Variants in AKR1C3 observed in about 807,000 individuals in gnomAD.
AKR1C3 encodes 3-alpha hydroxysteroid dehydrogenase, type II.
Under a neutral mutation model 43.6 loss-of-function variants are expected in AKR1C3, and 48 were observed. The ratio of observed to expected loss-of-function variants is 1.10; its 90% confidence interval spans 0.87 to 1.40. The LOEUF (loss-of-function observed/expected upper bound fraction) is 1.40. Among genes scored for constraint, AKR1C3 ranks in the 40% most tolerant of loss-of-function variants. The pLI is 0.00. For synonymous variants in AKR1C3, 162 were observed against 139.6 expected (o/e 1.16, Z -1.13); for missense variants, 482 against 391.2 (o/e 1.23, Z -1.96).
intron 5 of AKR1C3, among the ~76,000 whole-genome samples, chr10:5,100,158 G>A (rs782499586): frequency 2.0e-5 from 3 of 152,160 alleles, no homozygotes; most frequent in Admixed American, 6.5e-5. Context: ...GCTGAGTTTG[G>A]TGGCACACGC....
intron 1 of AKR1C3, among the ~76,000 whole-genome samples, chr10:5,088,223 T>G (rs1435525044): frequency 6.6e-6 from 1 of 152,204 alleles, no homozygotes; most frequent in African/African-American, 2.4e-5. Context: ...TATTGAGACT[T>G]GCTTTATAAC....
At chr10:5,086,960 C>T (rs1464065775) in intron 1 of AKR1C3, among the ~76,000 whole-genome samples, 1 of 152,130 alleles carries the variant, frequency 6.6e-6, no homozygotes, top group African/African-American at 2.4e-5. Flanking sequence ...TATTTTGAGC[C>T]TATGTGTGTC....
chr10:5,097,479 G>GA lies in AKR1C3; in HGVS notation c.302dup (p.Asn101LysfsTer12), dbSNP rs781855690. ...ACCAGAGTTGGTCCGACCAGCCTTG[G>GA]AAAACTCACTGAAGAAAGCTCAATT... On this transcript the variant is annotated frameshift_variant, in exon 3 of 9. Transcript: ENST00000380554. LOFTEE classifies it high-confidence loss of function. 6.2e-7 allele frequency: 1 copy of GA among 1,613,820 alleles called. No individual in the cohort carries two copies. The highest frequency in any genetic ancestry group is 8.5e-7 in the Non-Finnish European group (1 of 1,179,802).
chr10:5,098,983 A>C (rs1468455841), intron 4 of AKR1C3, 104 bp downstream of exon 4: 10 of 1,009,244 alleles, frequency 9.9e-6, no homozygotes, highest in Non-Finnish European at 1.5e-5. Context: ...AGATCTAGAA[A>C]TTCAGAAACT....
At chr10:5,072,877 G>A (rs1278440085) in intron 1 of AKR1C3, among the ~76,000 whole-genome samples, 1 of 152,216 alleles carries the variant, frequency 6.6e-6, no homozygotes, top group African/African-American at 2.4e-5. Context: ...ATAAAGGGGT[G>A]AGATTTCTTT....
chr10:5,095,589 A>G (rs1839187098), intron 1 of AKR1C3, among the ~76,000 whole-genome samples: 1 of 152,124 alleles, frequency 6.6e-6, no homozygotes, highest in African/African-American at 2.4e-5. Flanking sequence ...TGTAAAAATG[A>G]AAACAGTTTA....
chr10:5,055,965 C>T (rs1199791962), intron 1 of AKR1C3, among the ~76,000 whole-genome samples: 1 of 152,154 alleles, frequency 6.6e-6, no homozygotes, highest in Non-Finnish European at 1.5e-5. Flanking sequence ...TGCTGAGGGC[C>T]CTGGTCCCTC....
At chr10:5,059,158 T>A (rs1838325689) in intron 1 of AKR1C3, among the ~76,000 whole-genome samples, 1 of 152,126 alleles carries the variant, frequency 6.6e-6, no homozygotes, top group African/African-American at 2.4e-5. Context: ...CCCACTATGA[T>A]GGGGCTTTGG....
At position 5,072,136 on chromosome 10, in the gene AKR1C3, G is replaced by C. The variant is rs149461938; in HGVS notation, c.84+23241G>C. 2.0e-5 allele frequency among the ~76,000 whole-genome samples: 3 copies of C among 152,262 alleles called. No individual in the cohort carries two copies. The East Asian group carries it at 5.8e-4, about 29-fold the overall frequency. ...CAGCCTATGTGACACTTATCTCTGG[G>C]TTCTAGTACTATTGAGCAGCAATTT... On this transcript the variant is annotated intron_variant, in intron 1 of 8. Coordinates refer to the AKR1C3 transcript ENST00000439082.
At chr10:5,057,862 C>T (rs1838295302) in intron 1 of AKR1C3, among the ~76,000 whole-genome samples, 1 of 152,162 alleles carries the variant, frequency 6.6e-6, no homozygotes. Flanking sequence ...CATTAAAGGC[C>T]AGGGTTTGAT....
chr10:5,101,315 G>C (rs1839342468), intron 5 of AKR1C3, among the ~76,000 whole-genome samples: 1 of 151,792 alleles, frequency 6.6e-6, no homozygotes, highest in Non-Finnish European at 1.5e-5. Context: ...TGTATTTAAT[G>C]GTTATTTATT....
chr10:5,062,767 G>A (rs1838405798), intron 1 of AKR1C3, among the ~76,000 whole-genome samples: 1 of 150,978 alleles, frequency 6.6e-6, no homozygotes, highest in African/African-American at 2.4e-5. Context: ...ATAATCATTA[G>A]GGCAGTCATT....
chr10:5,087,688 C>G lies in AKR1C3; in HGVS notation c.85-8722C>G, dbSNP rs562652385. ...TTGTCCAGCCTCACCTTTATCTTTT[C>G]TGTATTGTATTTTTTTGAATATTCT... On this transcript the variant is annotated intron_variant, in intron 1 of 8. Coordinates refer to the AKR1C3 transcript ENST00000439082. Among the ~76,000 whole-genome samples the G allele has an allele frequency of 1.3e-4, 19 of 151,982 alleles. No individual in the cohort carries two copies. In the South Asian group the frequency reaches 2.3e-3, roughly 18 times the overall value.
At position 5,107,556 on chromosome 10, in the gene AKR1C3, G is replaced by A. The variant is rs1804060; in HGVS notation, c.*53G>A. 171 of 1,402,998 alleles carry A rather than the reference G, an allele frequency of 1.2e-4. No homozygotes were observed. Among genetic ancestry groups the A allele is most frequent in the Middle Eastern group, 3.8e-4 (2 of 5,220 alleles). 86.9% of individuals were successfully genotyped at this position (1,402,998 alleles called of 1,614,324 possible). On this transcript the variant is annotated 3_prime_UTR_variant, in exon 9 of 9. Coordinates refer to ENST00000380554, the MANE Select transcript of AKR1C3 (RefSeq NM_003739.6). The stretch of plus-strand genomic sequence containing the variant: ...AGAAGCCCTGTGTGTGGATGGTGAC[G>A]CAGAGGACGTCTCTATGCCGGTGAC...
At chr10:5,100,756 A>C (rs1839328753) in intron 5 of AKR1C3, among the ~76,000 whole-genome samples, 1 of 152,210 alleles carries the variant, frequency 6.6e-6, no homozygotes, top group African/African-American at 2.4e-5. Context: ...TGCAGTTTTA[A>C]TATTAGTCCT....
chr10:5,070,425 G>A (rs1554781224), intron 1 of AKR1C3, among the ~76,000 whole-genome samples: 2 of 152,240 alleles, frequency 1.3e-5, no homozygotes, highest in Non-Finnish European at 2.9e-5. Flanking sequence ...GGGCCTGAGC[G>A]TAGTGGCTCA....
intron 1 of AKR1C3, among the ~76,000 whole-genome samples, chr10:5,051,094 TTTG>T (rs1554778877): frequency 6.6e-6 from 1 of 152,150 alleles, no homozygotes; most frequent in Admixed American, 6.5e-5. Flanking sequence ...TGTGTTTTGT[TTTG>T]TTGTTTGTTT....
chr10:5,054,368 G>A (rs1554779327), intron 1 of AKR1C3, among the ~76,000 whole-genome samples: 1 of 152,208 alleles, frequency 6.6e-6, no homozygotes, highest in East Asian at 1.9e-4. Context: ...CCTATAAGTA[G>A]GGGTATTAGT....
chr10:5,087,283 T>C (rs1358263220), intron 1 of AKR1C3, among the ~76,000 whole-genome samples: 1 of 151,944 alleles, frequency 6.6e-6, no homozygotes, highest in Non-Finnish European at 1.5e-5. Flanking sequence ...AGTCTCTATA[T>C]TTTCTAGTTT....
Sources: gnomAD v4.1 joint callset for allele counts (sites outside exome capture counted in the v4.1 genomes callset) on GRCh38, gnomAD v4.1.1 for gene constraint, MANE v1.5 for transcripts, NCBI Gene and HGNC (gene_info 2026-07-23, HGNC 2026-07-21) for gene names.